Variants in MOK observed in about 807,000 individuals in gnomAD.
The protein encoded by MOK is MAPK/MAK/MRK overlapping kinase.
MOK carries 59 observed loss-of-function variants against 54.2 expected under a neutral mutation model. The observed-to-expected ratio is 1.09, with a 90% CI of 0.88 to 1.35. The LOEUF (loss-of-function observed/expected upper bound fraction) is 1.35. Among genes scored for constraint, MOK ranks in the 40% most tolerant of loss-of-function variants. The pLI is 0.00. For synonymous variants in MOK, 210 were observed against 202.7 expected, an observed-to-expected ratio of 1.04 and a Z score of -0.31; for missense variants, 517 against 526.2, an observed-to-expected ratio of 0.98 and a Z score of 0.17.
At chr14:102,216,867 A>G in the MOK span, among the ~76,000 whole-genome samples, 1 of 152,128 alleles carries the variant, frequency 6.6e-6, no homozygotes, top group East Asian at 1.9e-4. Flanking sequence ...CAGGAGGTGG[A>G]GGTTGCAATG....
intron 7 of MOK, among the ~76,000 whole-genome samples, chr14:102,244,831 C>T (rs537391745): frequency 6.6e-6 from 1 of 152,264 alleles, no homozygotes; most frequent in East Asian, 1.9e-4. Flanking sequence ...AGCAGTTTCT[C>T]AGGCTCTTGG....
intron 7 of MOK, among the ~76,000 whole-genome samples, chr14:102,243,560 T>C (rs1473528929): frequency 6.6e-6 from 1 of 152,152 alleles, no homozygotes; most frequent in Non-Finnish European, 1.5e-5. Context: ...CCCTCATAAC[T>C]TCCAAAATCT....
intron 1 of MOK, among the ~76,000 whole-genome samples, chr14:102,293,156 AC>A (rs749621070): frequency 2.0e-5 from 3 of 152,170 alleles, no homozygotes; most frequent in Non-Finnish European, 4.4e-5. Flanking sequence ...AAATGAACAA[AC>A]AAAAAACTTC....
intron 7 of MOK, among the ~76,000 whole-genome samples, chr14:102,237,208 T>C (rs1241546236): frequency 6.6e-6 from 1 of 152,160 alleles, no homozygotes; most frequent in Non-Finnish European, 1.5e-5. Flanking sequence ...TCCTTAAACC[T>C]TTTCCCTAGC....
At chr14:102,275,171 A>T (rs888078173) in intron 2 of MOK, among the ~76,000 whole-genome samples, 2 of 152,204 alleles carry the variant, frequency 1.3e-5, no homozygotes. Flanking sequence ...GAAGGCAAGG[A>T]AAGTCTTTTT....
At chr14:102,239,267 G>A (rs1204783590) in intron 7 of MOK, among the ~76,000 whole-genome samples, 1 of 151,286 alleles carries the variant, frequency 6.6e-6, no homozygotes, top group Non-Finnish European at 1.5e-5. Flanking sequence ...CACTCTAGAA[G>A]TCCAGAGGCC....
chr14:102,281,897 G>A (rs1466990052), intron 2 of MOK, among the ~76,000 whole-genome samples: 1 of 152,234 alleles, frequency 6.6e-6, no homozygotes, highest in Non-Finnish European at 1.5e-5. Flanking sequence ...AGAAGGAGCA[G>A]AACACCTGGT....
At chr14:102,218,794 C>G in the MOK span, among the ~76,000 whole-genome samples, 3 of 152,228 alleles carry the variant, frequency 2.0e-5, no homozygotes, top group Non-Finnish European at 4.4e-5. Flanking sequence ...CAGATTCTGC[C>G]TGGGGAGCTC....
intron 7 of MOK, among the ~76,000 whole-genome samples, chr14:102,237,119 A>G (rs11846068): frequency 0.13 from 20,523 of 152,128 alleles, 1,914 homozygotes; most frequent in African/African-American, 0.27. Context: ...AGTCACAACA[A>G]CTAACCTGGA....
At chr14:102,272,703 C>T (rs539258300) in intron 2 of MOK, among the ~76,000 whole-genome samples, 2 of 152,208 alleles carry the variant, frequency 1.3e-5, no homozygotes, top group East Asian at 3.9e-4. Flanking sequence ...TGACAGAATT[C>T]GATACCAATT....
intron 4 of MOK, among the ~76,000 whole-genome samples, chr14:102,254,133 C>T (rs1380853918): frequency 6.6e-6 from 1 of 151,992 alleles, no homozygotes; most frequent in African/African-American, 2.4e-5. Flanking sequence ...TACAGGCACC[C>T]GCCACCACTA....
rs760677306 is a variant in MOK, at chr14:102,233,682, A to G, written c.692+6T>C. 6.2e-7 allele frequency: 1 copy of G among 1,609,076 alleles called. No homozygotes were observed. Among genetic ancestry groups the G allele is most frequent in the South Asian group, 1.1e-5 (1 of 90,944 alleles). ...TCCACATCCACTCTCAGAACACAAT[A>G]CTTACTGTTTGAACTTGGTGAGGAT... On this transcript the variant is annotated splice_donor_region_variant and intron_variant, in intron 8 of 11. Transcript: ENST00000361847.
intron 1 of MOK, among the ~76,000 whole-genome samples, chr14:102,290,467 C>A (rs915825743): frequency 6.0e-5 from 9 of 151,038 alleles, no homozygotes; most frequent in African/African-American, 1.7e-4. Flanking sequence ...AACAAACAAA[C>A]AAAAAAAATA....
At chr14:102,286,485 C>A (rs936580473) in intron 1 of MOK, among the ~76,000 whole-genome samples, 23 of 151,934 alleles carry the variant, frequency 1.5e-4, no homozygotes, top group African/African-American at 5.3e-4. Flanking sequence ...ATGGCACACG[C>A]CTGTCATCCC....
intron 2 of MOK, chr14:102,283,163 GT>G (rs963606671): frequency 1.0e-4 from 19 of 187,426 alleles, no homozygotes; most frequent in African/African-American, 2.0e-4. Flanking sequence ...TTTTTTTGCT[GT>G]TTTTTTTAAT....
downstream of MOK, chr14:102,226,302 C>T: frequency 1.4e-6 from 1 of 702,206 alleles, no homozygotes; most frequent in African/African-American, 1.7e-5. The surrounding 1 kb of genome is among the most constrained non-coding windows in gnomAD (Gnocchi z 4.8). Context: ...AGAAGGGTGA[C>T]ACTGCGGCCG....
chr14:102,266,014 T>C lies in MOK; in HGVS notation c.123-102A>G, dbSNP rs1597442094. ...ATCACAATTTTAAAACTCACAAATATTTCAAGCAAGTTAATCAGGTTTTAT... is the reference window on the plus strand; with the variant it reads ...ATCACAATTTTAAAACTCACAAATACTTCAAGCAAGTTAATCAGGTTTTAT... On this transcript the variant is annotated intron_variant, in intron 2 of 11. Transcript: ENST00000361847. 1.4e-5 allele frequency: 12 copies of C among 848,300 alleles called. No individual in the cohort carries two copies. The East Asian group carries it at 3.1e-4, about 22-fold the overall frequency. The allele number at this position is 848,300 out of a possible 1,614,324, so 52.5% of individuals were successfully genotyped here.
At chr14:102,241,928 C>T (rs902165896) in intron 7 of MOK, among the ~76,000 whole-genome samples, 1 of 152,210 alleles carries the variant, frequency 6.6e-6, no homozygotes, top group East Asian at 1.9e-4. Flanking sequence ...GGCCACTGGG[C>T]CAAGAAATGC....
Position 102,256,527 on chromosome 14 carries a change from T to TTG in MOK, c.284-4533_284-4532insCA, listed in dbSNP as rs1381496432. On this transcript the variant is annotated intron_variant, in intron 4 of 11. Transcript: ENST00000361847. Reference sequence around the variant, plus strand: ...AGGCGGAGCTTGCAGTGAGCTGAGATCGCCACTGCACTCCAGCCTGGGCAA... The same window carrying TTG: ...AGGCGGAGCTTGCAGTGAGCTGAGATTGCGCCACTGCACTCCAGCCTGGGCAA... Among the ~76,000 whole-genome samples, 91 of 151,410 alleles carry TTG rather than the reference T, an allele frequency of 6.0e-4. 1 individual carries two copies. Among genetic ancestry groups the TTG allele is most frequent in the Admixed American group, 6.0e-3 (91 of 15,220 alleles).
Sources: allele counts gnomAD v4.1 joint callset (sites outside exome capture counted in the v4.1 genomes callset), GRCh38; gene constraint gnomAD v4.1.1; non-coding constraint Gnocchi (gnomAD v3.1); transcripts MANE v1.5; gene names NCBI Gene and HGNC (gene_info 2026-07-23, HGNC 2026-07-21).